GRIP1: variants seen among roughly 807,000 people sequenced by gnomAD.
GRIP1 encodes glutamate receptor-interacting protein 1.
In GRIP1, 45 loss-of-function variants were observed where a neutral mutation model predicts 129.9. That is an observed-to-expected ratio of 0.35 (90% CI 0.27 to 0.44). The LOEUF is 0.44. GRIP1 is among the 20% of genes least tolerant of loss of function. The probability of loss-of-function intolerance (pLI) is 1.00; values close to 1 mark genes in which losing one functional copy is unlikely to be tolerated. For synonymous variants in GRIP1, 530 were observed against 520.8 expected, an observed-to-expected ratio of 1.02 and a Z score of -0.24; for missense variants, 1,196 against 1,396.8, an observed-to-expected ratio of 0.86 and a Z score of 2.29.
intron 1 of GRIP1, among the ~76,000 whole-genome samples, chr12:66,724,260 T>G (rs1038974549): frequency 7.9e-5 from 12 of 152,186 alleles, no homozygotes; most frequent in African/African-American, 2.9e-4. Context: ...TTCAGCAAAC[T>G]ACCTCTGAGA....
chr12:66,761,858 A>G (rs1425411370), intron 1 of GRIP1, among the ~76,000 whole-genome samples: 1 of 152,104 alleles, frequency 6.6e-6, no homozygotes, highest in African/African-American at 2.4e-5. Flanking sequence ...AGAAGCAACA[A>G]ATGTGGTGCA....
At position 66,451,653 on chromosome 12, in the gene GRIP1, A is replaced by C. The variant is rs183484282; in HGVS notation, c.1354+3756T>G. Among the ~76,000 whole-genome samples, 201 of 150,908 alleles carry C rather than the reference A, an allele frequency of 1.3e-3. 2 individuals carry two copies. Among genetic ancestry groups the C allele is most frequent in the Non-Finnish European group, 2.3e-3 (154 of 67,700 alleles). ...TCAAACTCCTGGGCTCAAGTGATCC[A>C]CCCGCCTCAGCCTCCCAAGGAATAA... On this transcript the variant is annotated intron_variant, in intron 11 of 24. Coordinates refer to ENST00000359742, the MANE Select transcript of GRIP1 (RefSeq NM_001366722.1).
chr12:66,745,910 C>T (rs2036930922), intron 1 of GRIP1, among the ~76,000 whole-genome samples: 3 of 152,146 alleles, frequency 2.0e-5, no homozygotes, highest in African/African-American at 7.2e-5. Flanking sequence ...CTCTGTTCAG[C>T]AACACCCAAT....
chr12:66,475,062 G>T (rs1285841209), intron 7 of GRIP1, among the ~76,000 whole-genome samples: 2 of 152,188 alleles, frequency 1.3e-5, no homozygotes, highest in African/African-American at 4.8e-5. Flanking sequence ...AGACCCATCA[G>T]TGTGCTGTAT....
At chr12:66,843,117 C>G (rs1704668463) in intron 1 of GRIP1, among the ~76,000 whole-genome samples, 1 of 151,962 alleles carries the variant, frequency 6.6e-6, no homozygotes, top group African/African-American at 2.4e-5. Flanking sequence ...GACTGAAGAT[C>G]AAACCTCCTA....
At chr12:66,873,208 T>G (rs189415395) in intron 1 of GRIP1, among the ~76,000 whole-genome samples, 22 of 152,146 alleles carry the variant, frequency 1.4e-4, no homozygotes, top group Non-Finnish European at 2.5e-4. Context: ...TAGGAAGCCA[T>G]GCAGTGATAA....
intron 1 of GRIP1, among the ~76,000 whole-genome samples, chr12:66,966,116 T>C (rs1224215379): frequency 6.6e-6 from 1 of 152,166 alleles, no homozygotes; most frequent in Non-Finnish European, 1.5e-5. Context: ...AAGGACACTG[T>C]TGTTCTTGCA....
At chr12:66,716,747 G>A (rs2035901567) in intron 1 of GRIP1, among the ~76,000 whole-genome samples, 1 of 151,986 alleles carries the variant, frequency 6.6e-6, no homozygotes, top group Admixed American at 6.6e-5. Flanking sequence ...ACCACAGGTG[G>A]GAGGCACTTA....
chr12:66,588,974 T>G (rs1356265705), intron 2 of GRIP1, among the ~76,000 whole-genome samples: 1 of 125,854 alleles, frequency 7.9e-6, no homozygotes, highest in African/African-American at 3.1e-5. Flanking sequence ...GTCCCCCTCC[T>G]ACAAAAAAAA....
intron 1 of GRIP1, among the ~76,000 whole-genome samples, chr12:66,926,948 G>A (rs1221333362): frequency 6.6e-6 from 1 of 152,154 alleles, no homozygotes; most frequent in Non-Finnish European, 1.5e-5. Flanking sequence ...AATCTAATTA[G>A]AATGCTCATC....
At chr12:66,711,084 T>C (rs1464989029) in intron 1 of GRIP1, among the ~76,000 whole-genome samples, 3 of 151,864 alleles carry the variant, frequency 2.0e-5, no homozygotes, top group South Asian at 2.1e-4. Context: ...CAGAGCAATA[T>C]AGAAATAGCT....
intron 1 of GRIP1, among the ~76,000 whole-genome samples, chr12:66,741,757 C>T (rs1481630837): frequency 2.6e-5 from 4 of 152,152 alleles, no homozygotes; most frequent in Admixed American, 2.6e-4. Flanking sequence ...AGCTACATTT[C>T]AAATGCTCTA....
At chr12:66,653,164 G>A (rs768900427) in intron 1 of GRIP1, among the ~76,000 whole-genome samples, 11 of 151,994 alleles carry the variant, frequency 7.2e-5, no homozygotes, top group South Asian at 2.1e-4. Flanking sequence ...CAGGCTCTCC[G>A]TTTCTACATA....
At chr12:66,702,318 A>G (rs1262113836) in intron 1 of GRIP1, among the ~76,000 whole-genome samples, 4 of 152,146 alleles carry the variant, frequency 2.6e-5, no homozygotes, top group Non-Finnish European at 5.9e-5. Context: ...ATGCAATGAT[A>G]TTTCTATCTA....
At chr12:66,429,764 A>T (rs891170098) in intron 14 of GRIP1, among the ~76,000 whole-genome samples, 2 of 152,182 alleles carry the variant, frequency 1.3e-5, no homozygotes, top group African/African-American at 4.8e-5. Flanking sequence ...ATAATGACGA[A>T]GATCATCATC....
At chr12:66,531,328 T>C (rs1192121365) in intron 4 of GRIP1, among the ~76,000 whole-genome samples, 1 of 61,552 alleles carries the variant, frequency 1.6e-5, no homozygotes, top group Non-Finnish European at 2.9e-5. Flanking sequence ...TACATATACA[T>C]ATATACATAT....
At chr12:67,030,211 AAATAAT>A (rs67187831) in intron 1 of GRIP1, among the ~76,000 whole-genome samples, 20 of 145,544 alleles carry the variant, frequency 1.4e-4, no homozygotes, top group South Asian at 6.6e-4. Flanking sequence ...ACTCTGTCTC[AAATAAT>A]AATAATAATA....
At chr12:66,833,490 G>A (rs2039555109) in intron 1 of GRIP1, among the ~76,000 whole-genome samples, 1 of 152,012 alleles carries the variant, frequency 6.6e-6, no homozygotes, top group Non-Finnish European at 1.5e-5. Flanking sequence ...CTACTCATGG[G>A]GTCTGCCTTT....
chr12:66,721,901 T>TGAAC (rs1332540094), intron 1 of GRIP1, among the ~76,000 whole-genome samples: 1 of 152,084 alleles, frequency 6.6e-6, no homozygotes, highest in Admixed American at 6.5e-5. Flanking sequence ...ACCAACCTCT[T>TGAAC]CTAGCTTCAA....
Sources: gnomAD v4.1 joint callset for allele counts (sites outside exome capture counted in the v4.1 genomes callset) on GRCh38, gnomAD v4.1.1 for gene constraint, MANE v1.5 for transcripts, NCBI Gene and HGNC (gene_info 2026-07-23, HGNC 2026-07-21) for gene names.